Variants in NFIL3 observed in about 807,000 individuals in gnomAD.
The protein encoded by NFIL3 is nuclear factor, interleukin 3 regulated.
A neutral mutation model predicts 10.0 loss-of-function variants in NFIL3; 5 were observed. That is an observed-to-expected ratio of 0.50 (90% CI 0.26 to 1.06). NFIL3 has a LOEUF of 1.06. Among genes scored for constraint, NFIL3 ranks in the 50% least tolerant of loss-of-function variants. The pLI is 0.13. For synonymous variants in NFIL3, 202 were observed against 206.5 expected, an observed-to-expected ratio of 0.98 and a Z score of 0.19; for missense variants, 436 against 547.6, an observed-to-expected ratio of 0.80 and a Z score of 2.03.
the NFIL3 span, among the ~76,000 whole-genome samples, chr9:91,479,444 G>A: frequency 6.6e-6 from 1 of 152,226 alleles, no homozygotes; most frequent in Non-Finnish European, 1.5e-5. Context: ...TGTTTACACT[G>A]TGAGGAGAAA....
At chr9:91,441,825 A>G in the NFIL3 span, among the ~76,000 whole-genome samples, 4 of 152,152 alleles carry the variant, frequency 2.6e-5, no homozygotes, top group African/African-American at 9.7e-5. Context: ...CACAACTTAC[A>G]TATTTTTATA....
chr9:91,418,643 T>C (rs982038272), intron 1 of NFIL3, among the ~76,000 whole-genome samples: 10 of 152,206 alleles, frequency 6.6e-5, no homozygotes, highest in Admixed American at 6.5e-4. Flanking sequence ...GCCAGTTAAT[T>C]ACAGTTTAAG....
chr9:91,434,141 A>G, the NFIL3 span, among the ~76,000 whole-genome samples: 4 of 152,168 alleles, frequency 2.6e-5, no homozygotes, highest in Non-Finnish European at 5.9e-5. Context: ...CAGGCCAGAC[A>G]CAGTGACTCA....
At chr9:91,469,759 A>G in the NFIL3 span, among the ~76,000 whole-genome samples, 1 of 152,156 alleles carries the variant, frequency 6.6e-6, no homozygotes, top group Non-Finnish European at 1.5e-5. Context: ...GAATTTAGTC[A>G]AAGGCCTTTT....
chr9:91,433,839 A>C, the NFIL3 span, among the ~76,000 whole-genome samples: 1 of 152,018 alleles, frequency 6.6e-6, no homozygotes, highest in Non-Finnish European at 1.5e-5. Context: ...GTTGAAAAAT[A>C]TTATATTTAA....
At chr9:91,454,414 G>T in the NFIL3 span, among the ~76,000 whole-genome samples, 1 of 151,092 alleles carries the variant, frequency 6.6e-6, no homozygotes, top group Non-Finnish European at 1.5e-5. Context: ...CCGAATTTTT[G>T]ACTCTGAAAA....
upstream of NFIL3, among the ~76,000 whole-genome samples, chr9:91,424,966 G>GCTAGACTGT (rs1272231962): frequency 6.6e-6 from 1 of 152,230 alleles, no homozygotes; most frequent in Non-Finnish European, 1.5e-5. Context: ...AAGTCGTCGC[G>GCTAGACTGT]CTAGACTGTC....
chr9:91,446,871 A>G, the NFIL3 span, among the ~76,000 whole-genome samples: 1 of 150,376 alleles, frequency 6.6e-6, no homozygotes, highest in Admixed American at 6.6e-5. Flanking sequence ...GCTGGAATGC[A>G]ATGGCATGGT....
chr9:91,479,717 A>G, the NFIL3 span, among the ~76,000 whole-genome samples: 1 of 152,314 alleles, frequency 6.6e-6, no homozygotes, highest in East Asian at 1.9e-4. Context: ...AAAATCCTGC[A>G]GCTAGCTTAA....
intron 1 of NFIL3, among the ~76,000 whole-genome samples, chr9:91,419,554 T>C (rs1029216202): frequency 5.9e-5 from 9 of 152,236 alleles, no homozygotes; most frequent in Non-Finnish European, 1.2e-4. Context: ...AGTGTGAGAA[T>C]ACACTTTGTT....
chr9:91,432,056 C>T, the NFIL3 span, among the ~76,000 whole-genome samples: 1 of 152,280 alleles, frequency 6.6e-6, no homozygotes, highest in Non-Finnish European at 1.5e-5. Context: ...TGGGCACCTC[C>T]CATCACTTAG....
chr9:91,475,590 G>T, the NFIL3 span, among the ~76,000 whole-genome samples: 6 of 152,012 alleles, frequency 3.9e-5, no homozygotes. Flanking sequence ...GCAAGAAGAT[G>T]CTAAAAAAAG....
chr9:91,446,880 G>A, the NFIL3 span, among the ~76,000 whole-genome samples: 1 of 151,042 alleles, frequency 6.6e-6, no homozygotes, highest in Admixed American at 6.6e-5. Context: ...CAATGGCATG[G>A]TCTTGGCTCA....
the NFIL3 span, among the ~76,000 whole-genome samples, chr9:91,480,973 A>G: frequency 6.6e-6 from 1 of 152,198 alleles, no homozygotes; most frequent in Admixed American, 6.5e-5. Flanking sequence ...GTGACCTTAA[A>G]AGATTTATTC....
At chr9:91,415,193 A>T (rs1438098090) in intron 1 of NFIL3, among the ~76,000 whole-genome samples, 2 of 152,168 alleles carry the variant, frequency 1.3e-5, no homozygotes, top group Non-Finnish European at 2.9e-5. Context: ...AGGTGAGCAG[A>T]GGGGAACCAG....
At chr9:91,433,690 C>T in the NFIL3 span, among the ~76,000 whole-genome samples, 1 of 152,226 alleles carries the variant, frequency 6.6e-6, no homozygotes, top group African/African-American at 2.4e-5. Context: ...ACACAAACCT[C>T]GATTTGTTTA....
the NFIL3 span, among the ~76,000 whole-genome samples, chr9:91,473,174 G>A: frequency 6.6e-6 from 1 of 152,198 alleles, no homozygotes; most frequent in African/African-American, 2.4e-5. Flanking sequence ...CAGGCTACTT[G>A]AGGAGGCAGT....
chr9:91,470,990 T>C, the NFIL3 span, among the ~76,000 whole-genome samples: 1 of 152,206 alleles, frequency 6.6e-6, no homozygotes, highest in Admixed American at 6.5e-5. Flanking sequence ...GAAGAATGTA[T>C]ATACTGTTGA....
At chr9:91,437,215 C>T in the NFIL3 span, among the ~76,000 whole-genome samples, 1 of 152,194 alleles carries the variant, frequency 6.6e-6, no homozygotes, top group Non-Finnish European at 1.5e-5. Flanking sequence ...AGAACACTGT[C>T]CTAAATCTCT....
Sources: allele counts gnomAD v4.1 joint callset (sites outside exome capture counted in the v4.1 genomes callset), GRCh38; gene constraint gnomAD v4.1.1; transcripts MANE v1.5; gene names NCBI Gene and HGNC (gene_info 2026-07-23, HGNC 2026-07-21).